Variants in ARVCF observed in about 807,000 individuals in gnomAD.
The protein encoded by ARVCF is splicing regulator ARVCF.
ARVCF carries 66 observed loss-of-function variants against 90.9 expected under a neutral mutation model. The ratio of observed to expected loss-of-function variants is 0.73; its 90% confidence interval spans 0.60 to 0.89. ARVCF has a LOEUF of 0.89. Among genes scored for constraint, ARVCF ranks in the 40% least tolerant of loss-of-function variants. The pLI is 0.00. For synonymous variants in ARVCF, 653 were observed against 603.4 expected (o/e 1.08, Z -1.21); for missense variants, 1,469 against 1,382.3 (o/e 1.06, Z -1.00).
chr22:19,966,754 T>C (rs1401745999), downstream of ARVCF, among the ~76,000 whole-genome samples: 2 of 149,712 alleles, frequency 1.3e-5, no homozygotes, highest in African/African-American at 5.0e-5. Context: ...CTTTTTGTTG[T>C]TGTTTCTCGA....
intron 3 of ARVCF, among the ~76,000 whole-genome samples, chr22:19,983,424 G>A (rs1049995575): frequency 3.3e-5 from 5 of 152,226 alleles, no homozygotes; most frequent in South Asian, 2.1e-4. Context: ...GCCAAGGCTC[G>A]TGGGCTGGGA....
chr22:20,012,603 T>C (rs1391176103), intron 1 of ARVCF, among the ~76,000 whole-genome samples: 1 of 152,248 alleles, frequency 6.6e-6, no homozygotes, highest in Non-Finnish European at 1.5e-5. Flanking sequence ...ACGCCCTTTA[T>C]TGGGCCCTTT....
At chr22:19,982,574 T>A (rs892299908) in intron 3 of ARVCF, among the ~76,000 whole-genome samples, 2 of 152,120 alleles carry the variant, frequency 1.3e-5, no homozygotes, top group Non-Finnish European at 2.9e-5. Context: ...CCCAGACACC[T>A]TGAGTATAGA....
chr22:19,993,619 C>T (rs1040239711), intron 2 of ARVCF, among the ~76,000 whole-genome samples: 2 of 152,236 alleles, frequency 1.3e-5, no homozygotes, highest in East Asian at 3.9e-4. Flanking sequence ...CATGACCCCC[C>T]ACCCAAAACA....
intron 1 of ARVCF, among the ~76,000 whole-genome samples, chr22:20,015,867 C>T (rs946165246): frequency 6.6e-6 from 1 of 152,218 alleles, no homozygotes; most frequent in African/African-American, 2.4e-5. Context: ...AGCTAAGAAA[C>T]GGTGAAATAT....
Position 20,016,749 on chromosome 22 carries a change from C to A in ARVCF, c.-233G>T, listed in dbSNP as rs1487909809. ...CCGCAACTCGGACCGGTGCGGGGGC[C>A]GCCCCCTCCCTCCAGGCCCAGCGCG... On this transcript the variant is annotated 5_prime_UTR_variant, in exon 1 of 20. Coordinates refer to ENST00000263207, the MANE Select transcript of ARVCF (RefSeq NM_001670.3). The A allele has an allele frequency of 6.6e-6, 1 of 151,280 alleles. No homozygotes were observed. The highest frequency in any genetic ancestry group is 2.4e-5 in the African/African-American group (1 of 41,326). The allele number at this position is 151,280 out of a possible 1,614,324, so 9.4% of individuals were successfully genotyped here.
chr22:19,997,416 G>A (rs940929956), intron 2 of ARVCF, among the ~76,000 whole-genome samples: 1 of 152,192 alleles, frequency 6.6e-6, no homozygotes, highest in East Asian at 1.9e-4. Flanking sequence ...CCTGCTCCCT[G>A]TGCCAACAGC....
chr22:19,977,455 C>T lies in ARVCF; in HGVS notation c.1830G>A (p.Arg610=), dbSNP rs971285910. 1 of 1,561,840 alleles carries T rather than the reference C, an allele frequency of 6.4e-7. No homozygotes were observed. The highest frequency in any genetic ancestry group is 2.0e-5 in the Admixed American group (1 of 50,534). ...CTCCAAAGCAGCTGGCATCATCCCG[C>T]CTCCGGCGCTGGGAGCCTACAGCAC... The part of the protein sequence containing the change: ...LGSAVGSQRR[R]RDDASCFGGK... Residue 610 remains arginine, a synonymous_variant, in exon 9 of 20, where the codon AGG becomes AGA. Coordinates refer to ENST00000263207, the MANE Select transcript of ARVCF (RefSeq NM_001670.3).
chr22:20,009,091 G>T (rs905143798), intron 2 of ARVCF, among the ~76,000 whole-genome samples: 1 of 152,192 alleles, frequency 6.6e-6, no homozygotes, highest in Non-Finnish European at 1.5e-5. Context: ...GAAGTGTGGT[G>T]ACCTACGAGG....
At position 19,973,074 on chromosome 22, in the gene ARVCF, C is replaced by T. The variant is rs747132952; in HGVS notation, c.2439-38G>A. On this transcript the variant is annotated intron_variant, in intron 14 of 19. Transcript: ENST00000263207. ...GGGCGGGGTCAGTGGTGGCCCCTCC[C>T]CCACCTCCGCGGCTCCCCAAGCCAC... 9 of 1,608,612 alleles carry T rather than the reference C, an allele frequency of 5.6e-6. No individual in the cohort carries two copies. In the South Asian group the frequency reaches 6.6e-5, roughly 12 times the overall value.
chr22:19,981,816 T>C, intron 4 of ARVCF, 79 bp from the exon 5 acceptor site: 1 of 1,548,412 alleles, frequency 6.5e-7, no homozygotes, highest in Non-Finnish European at 8.7e-7. Context: ...CTGGCCTTAA[T>C]TTCCCACTCG....
chr22:19,972,552 C>A (rs1221745131), intron 16 of ARVCF, 141 bp from the exon 17 acceptor site: 4 of 1,237,578 alleles, frequency 3.2e-6, no homozygotes, highest in Non-Finnish European at 4.5e-6. Context: ...GGCAGCCTCA[C>A]CCCAGCTTGA....
At chr22:19,968,518 C>T, downstream of ARVCF, 1 of 1,611,830 alleles carries the variant, frequency 6.2e-7, no homozygotes, top group Non-Finnish European at 8.5e-7. Flanking sequence ...CCTCCCCCAC[C>T]CCCCGGTCTG....
downstream of ARVCF, among the ~76,000 whole-genome samples, chr22:19,966,810 T>C (rs1942425011): frequency 6.6e-6 from 1 of 152,156 alleles, no homozygotes; most frequent in South Asian, 2.1e-4. Flanking sequence ...AGTGGCGCGA[T>C]CTTGGCTCCC....
At position 19,974,432 on chromosome 22, in the gene ARVCF, A is replaced by G. The variant is rs887199; in HGVS notation, c.1961-193T>C. Among the ~76,000 whole-genome samples, 109,530 of 152,048 alleles carry G rather than the reference A, an allele frequency of 0.72. 41,490 individuals carry two copies. The highest frequency in any genetic ancestry group is 0.87 in the Middle Eastern group (257 of 294). Reference sequence around the variant, plus strand: ...AAAAGCGTTCCCATTTCACAGAGGAACAAACTGAGGCTCAAATCAGTTGGA... The same window carrying G: ...AAAAGCGTTCCCATTTCACAGAGGAGCAAACTGAGGCTCAAATCAGTTGGA... On this transcript the variant is annotated intron_variant, in intron 11 of 19. Coordinates refer to ENST00000263207, the MANE Select transcript of ARVCF (RefSeq NM_001670.3).
intron 1 of ARVCF, among the ~76,000 whole-genome samples, chr22:20,011,571 G>C (rs551815085): frequency 1.3e-5 from 2 of 152,286 alleles, no homozygotes; most frequent in Admixed American, 6.5e-5. Flanking sequence ...GGGATCATGG[G>C]GGGTGGGATG....
At chr22:20,005,603 A>C (rs1389509348) in intron 2 of ARVCF, among the ~76,000 whole-genome samples, 5 of 152,148 alleles carry the variant, frequency 3.3e-5, no homozygotes, top group Admixed American at 3.3e-4. Flanking sequence ...GTGGATCACA[A>C]GGTCAGGAGA....
chr22:19,981,941 C>T lies in ARVCF; in HGVS notation c.361G>A (p.Glu121Lys), dbSNP rs948347766. The change falls in exon 4 of 20, where the codon GAG becomes AAG. Residue 121 changes from glutamate to lysine, a missense_variant. Glu to Lys is a moderately conservative substitution (Grantham distance 56). Transcript: ENST00000263207. ...CCTGGGCCTGGCCATACCTTGGTCTCGGTGCGCCGGGTTGTGCCATCTTCG... is the reference window on the plus strand; with the variant it reads ...CCTGGGCCTGGCCATACCTTGGTCTTGGTGCGCCGGGTTGTGCCATCTTCG... ...TSEDGTTRRTETKVTKTVKTV... is the reference protein window; with the variant it reads ...TSEDGTTRRTKTKVTKTVKTV... 7.4e-6 allele frequency: 12 copies of T among 1,612,304 alleles called. No homozygotes were observed. The highest frequency in any genetic ancestry group is 5.0e-5 in the Admixed American group (3 of 59,946).
At chr22:19,969,423 G>T, downstream of ARVCF, 1 of 152,678 alleles carries the variant, frequency 6.5e-6, no homozygotes, top group Non-Finnish European at 1.5e-5. Context: ...TACAGAAGAG[G>T]CAATGGCTCA....
Sources: allele counts gnomAD v4.1 joint callset (sites outside exome capture counted in the v4.1 genomes callset), GRCh38; gene constraint gnomAD v4.1.1; transcripts MANE v1.5; gene names NCBI Gene and HGNC (gene_info 2026-07-23, HGNC 2026-07-21).